The following ADARB2 variants were observed in gnomAD, a reference collection of about 807,000 sequenced individuals.
ADARB2 encodes inactive double-stranded RNA-specific editase B2.
Under a neutral mutation model 62.2 loss-of-function variants are expected in ADARB2, and 25 were observed. The observed-to-expected ratio is 0.40, with a 90% CI of 0.29 to 0.56. The LOEUF (loss-of-function observed/expected upper bound fraction) is 0.56, where lower values mean the gene tolerates loss of function less well. Ranked by LOEUF, ADARB2 falls within the 20% of genes least tolerant of loss-of-function variation. The probability of loss-of-function intolerance (pLI) is 0.43; values close to 1 mark genes in which losing one functional copy is unlikely to be tolerated. For synonymous variants in ADARB2, 572 were observed against 500.8 expected, an observed-to-expected ratio of 1.14 and a Z score of -1.90; for missense variants, 1,071 against 1,077.4, an observed-to-expected ratio of 0.99 and a Z score of 0.08.
At chr10:1,472,547 C>A (rs545219376) in intron 1 of ADARB2, among the ~76,000 whole-genome samples, 1 of 152,272 alleles carries the variant, frequency 6.6e-6, no homozygotes, top group Non-Finnish European at 1.5e-5. Flanking sequence ...TGGAGGTATG[C>A]TGGGAGAAGG....
At position 1,702,156 on chromosome 10, in the gene ADARB2, T is replaced by C. The variant is rs948565959; in HGVS notation, c.100+34895A>G. On this transcript the variant is annotated intron_variant, in intron 1 of 9. Coordinates refer to ENST00000381312, the MANE Select transcript of ADARB2 (RefSeq NM_018702.4). ...AGAATGCTGCATCCCACAGGGTGAA[T>C]CTACCAATGACTGATAATGGAATTG... Among the ~76,000 whole-genome samples the C allele has an allele frequency of 2.4e-4, 36 of 152,206 alleles. 1 individual carries two copies. Among genetic ancestry groups the C allele is most frequent in the Admixed American group, 2.3e-3 (35 of 15,280 alleles).
At chr10:1,625,895 G>A (rs1407123509) in intron 1 of ADARB2, among the ~76,000 whole-genome samples, 5 of 151,412 alleles carry the variant, frequency 3.3e-5, no homozygotes, top group Non-Finnish European at 5.9e-5. Context: ...CACTTCTCAC[G>A]CCTCTGCCTG....
At chr10:1,252,568 G>A (rs144828616) in intron 4 of ADARB2, among the ~76,000 whole-genome samples, 249 of 152,218 alleles carry the variant, frequency 1.6e-3, no homozygotes, top group Non-Finnish European at 3.0e-3. Context: ...CTGAATACTC[G>A]CAGTGAATAT....
At chr10:1,435,129 C>G (rs1019610590) in intron 1 of ADARB2, among the ~76,000 whole-genome samples, 46 of 152,340 alleles carry the variant, frequency 3.0e-4, no homozygotes, top group African/African-American at 9.4e-4. Flanking sequence ...CACCCTGGCC[C>G]GAGGCCGGCT....
At chr10:1,263,945 C>T (rs908795768) in intron 4 of ADARB2, among the ~76,000 whole-genome samples, 7 of 152,202 alleles carry the variant, frequency 4.6e-5, no homozygotes, top group Admixed American at 3.9e-4. Flanking sequence ...ATTCACACTA[C>T]GCAAGGGTCA....
At chr10:1,185,416 C>G (rs898517177) in intron 8 of ADARB2, among the ~76,000 whole-genome samples, 7 of 152,222 alleles carry the variant, frequency 4.6e-5, no homozygotes, top group Admixed American at 3.3e-4. Context: ...AGGCCCCGCT[C>G]TGCTGGAGGC....
At chr10:1,680,087 A>G (rs940711162) in intron 1 of ADARB2, among the ~76,000 whole-genome samples, 3 of 151,408 alleles carry the variant, frequency 2.0e-5, no homozygotes, top group African/African-American at 7.3e-5. Context: ...ATTCCCCTAC[A>G]TATTCTTTCC....
intron 4 of ADARB2, among the ~76,000 whole-genome samples, chr10:1,258,005 C>A (rs1234213495): frequency 2.0e-5 from 3 of 152,174 alleles, no homozygotes; most frequent in African/African-American, 7.2e-5. Context: ...TTTATTATAT[C>A]TCCATCCACA....
Position 1,512,359 on chromosome 10 carries a change from C to G in ADARB2, c.101-133199G>C, listed in dbSNP as rs1040404213. The stretch of plus-strand genomic sequence containing the variant: ...CTGGATACCAAGATGCTGATACTGT[C>G]TACACTGGATACCAAGATGCTGATG... On this transcript the variant is annotated intron_variant, in intron 1 of 9. Coordinates refer to ENST00000381312, the MANE Select transcript of ADARB2 (RefSeq NM_018702.4). 1.4e-3 allele frequency among the ~76,000 whole-genome samples: 206 copies of G among 152,236 alleles called. 1 individual carries two copies. The highest frequency in any genetic ancestry group is 7.1e-4 in the Non-Finnish European group (48 of 68,024).
At chr10:1,542,030 G>C (rs374692818) in intron 1 of ADARB2, among the ~76,000 whole-genome samples, 1 of 48,258 alleles carries the variant, frequency 2.1e-5, no homozygotes, top group East Asian at 4.4e-4. Flanking sequence ...ACCCCACTCA[G>C]ACTCAGTTCA....
intron 3 of ADARB2, among the ~76,000 whole-genome samples, chr10:1,318,415 G>A (rs1434260323): frequency 1.3e-5 from 2 of 152,246 alleles, no homozygotes; most frequent in Non-Finnish European, 2.9e-5. Flanking sequence ...ATCATGGGCT[G>A]GGCCGGAGGG....
At chr10:1,542,958 G>A (rs12784575) in intron 1 of ADARB2, among the ~76,000 whole-genome samples, 1 of 144,302 alleles carries the variant, frequency 6.9e-6, no homozygotes, top group Non-Finnish European at 1.5e-5. Flanking sequence ...AGACGCAGTT[G>A]GGACCCTGGA....
At chr10:1,657,761 T>C (rs7093762) in intron 1 of ADARB2, among the ~76,000 whole-genome samples, 147,794 of 152,290 alleles carry the variant, frequency 0.97, 71,857 homozygotes, top group South Asian at 1. Context: ...CTGGGAGGCA[T>C]GGATGGGATG....
At chr10:1,266,474 G>A (rs1448349916) in intron 4 of ADARB2, among the ~76,000 whole-genome samples, 2 of 148,398 alleles carry the variant, frequency 1.3e-5, no homozygotes, top group African/African-American at 5.1e-5. Context: ...GTCCAGGGCC[G>A]GCTGGGACCC....
At chr10:1,291,192 T>A (rs17221610) in intron 3 of ADARB2, 4,747 of 152,326 alleles carry the variant, frequency 0.031, 147 homozygotes, top group Middle Eastern at 0.065. Flanking sequence ...CGCCAACCCC[T>A]CTTCTGCAAA....
At chr10:1,354,823 G>A (rs1007795043) in intron 3 of ADARB2, among the ~76,000 whole-genome samples, 3 of 152,228 alleles carry the variant, frequency 2.0e-5, no homozygotes, top group Admixed American at 1.3e-4. Context: ...CCCAAAGGAA[G>A]GGGGCTCAGC....
At chr10:1,227,425 G>A (rs960547107) in intron 6 of ADARB2, among the ~76,000 whole-genome samples, 3 of 152,182 alleles carry the variant, frequency 2.0e-5, no homozygotes, top group African/African-American at 4.8e-5. Flanking sequence ...TGCACCTACT[G>A]TCTGGCACTC....
chr10:1,597,110 T>C (rs868333723), intron 1 of ADARB2, among the ~76,000 whole-genome samples: 2 of 152,208 alleles, frequency 1.3e-5, no homozygotes, highest in Non-Finnish European at 2.9e-5. Context: ...TTATACATTA[T>C]GCTGATGGTG....
chr10:1,227,409 G>C (rs4880796), intron 6 of ADARB2, among the ~76,000 whole-genome samples: 88,172 of 152,018 alleles, frequency 0.58, 25,837 homozygotes, highest in Non-Finnish European at 0.63. Context: ...ACTGCACCCA[G>C]TGTCCTGCAC....
Sources: gnomAD v4.1 joint callset for allele counts (sites outside exome capture counted in the v4.1 genomes callset) on GRCh38, gnomAD v4.1.1 for gene constraint, MANE v1.5 for transcripts, NCBI Gene and HGNC (gene_info 2026-07-23, HGNC 2026-07-21) for gene names.